The following NRG3 variants were observed in gnomAD, a reference collection of about 807,000 sequenced individuals.
The protein encoded by NRG3 is pro-neuregulin-3, membrane-bound isoform.
A neutral mutation model predicts 66.9 loss-of-function variants in NRG3; 31 were observed. The ratio of observed to expected loss-of-function variants is 0.46; its 90% CI spans 0.35 to 0.63. NRG3 has a LOEUF of 0.63. Among genes scored for constraint, NRG3 ranks in the 20% least tolerant of loss-of-function variants. NRG3 has a pLI of 0.00. For synonymous variants in NRG3, 393 were observed against 359.4 expected (o/e 1.09, Z -1.06); for missense variants, 910 against 878.9 (o/e 1.04, Z -0.45).
chr10:82,481,530 A>G (rs1012676031), intron 2 of NRG3, among the ~76,000 whole-genome samples: 3 of 151,808 alleles, frequency 2.0e-5, no homozygotes, highest in African/African-American at 2.4e-5. Context: ...TGATTACTCT[A>G]TTTAATTAAT....
At chr10:82,072,415 G>A (rs553044852) in intron 1 of NRG3, among the ~76,000 whole-genome samples, 11 of 152,230 alleles carry the variant, frequency 7.2e-5, no homozygotes, top group East Asian at 5.8e-4. Flanking sequence ...GTTAGAAGCC[G>A]CATATTTACT....
chr10:82,641,007 G>T, intron 2 of NRG3, among the ~76,000 whole-genome samples: 1 of 22,616 alleles, frequency 4.4e-5, no homozygotes, highest in Non-Finnish European at 9.3e-5. Flanking sequence ...TTTTCAGTCT[G>T]TCGTTTTTTT....
At position 82,200,729 on chromosome 10, in the gene NRG3, C is replaced by T. The variant is rs568170336; in HGVS notation, c.824-158010C>T. Among the ~76,000 whole-genome samples the T allele has an allele frequency of 9.2e-5, 14 of 152,290 alleles. No individual in the cohort carries two copies. The East Asian group carries it at 1.9e-3, about 21-fold the overall frequency. On this transcript the variant is annotated intron_variant, in intron 1 of 8. Coordinates refer to ENST00000372141, the MANE Select transcript of NRG3 (RefSeq NM_001010848.4). ...GGCCTGTTACTCTCCGAAGGCCTTT[C>T]TCTTTCTTTATCCTCTGAAGTAAAG...
At chr10:82,219,267 A>G (rs1589361521) in intron 1 of NRG3, among the ~76,000 whole-genome samples, 1 of 146,924 alleles carries the variant, frequency 6.8e-6, no homozygotes, top group African/African-American at 2.5e-5. Context: ...TCTAGCCTCT[A>G]CATACTAGAT....
intron 1 of NRG3, among the ~76,000 whole-genome samples, chr10:81,989,456 C>G (rs751170731): frequency 6.6e-6 from 1 of 151,786 alleles, no homozygotes. Context: ...AGCAAAGAAA[C>G]GCAAAAGTGA....
chr10:82,965,921 A>G (rs2132510224), intron 6 of NRG3, among the ~76,000 whole-genome samples: 2 of 152,274 alleles, frequency 1.3e-5, no homozygotes, highest in African/African-American at 4.8e-5. Context: ...TTCTGCCTTT[A>G]GTCTCTCAAT....
chr10:82,023,335 G>C (rs2062146427), intron 1 of NRG3, among the ~76,000 whole-genome samples: 1 of 151,868 alleles, frequency 6.6e-6, no homozygotes. Flanking sequence ...TTCACAATTT[G>C]GGTGTCCTTT....
intron 1 of NRG3, among the ~76,000 whole-genome samples, chr10:82,267,516 G>A (rs1035084304): frequency 1.2e-4 from 19 of 152,138 alleles, no homozygotes; most frequent in African/African-American, 4.3e-4. Context: ...ACACACTAGA[G>A]GCAGGCAGCT....
At chr10:82,568,018 T>G (rs191109974) in intron 2 of NRG3, among the ~76,000 whole-genome samples, 2 of 151,982 alleles carry the variant, frequency 1.3e-5, no homozygotes, top group East Asian at 3.9e-4. Context: ...TCTCCTTAGT[T>G]TTGTCATTTC....
chr10:82,706,114 A>G (rs891059007), intron 2 of NRG3, among the ~76,000 whole-genome samples: 1 of 151,972 alleles, frequency 6.6e-6, no homozygotes, highest in African/African-American at 2.4e-5. Context: ...TTTTTTATCA[A>G]TCTACAGCAT....
chr10:82,121,513 C>G (rs972014200), intron 1 of NRG3, among the ~76,000 whole-genome samples: 2 of 152,162 alleles, frequency 1.3e-5, no homozygotes, highest in Non-Finnish European at 2.9e-5. Context: ...CCAACACTCA[C>G]TGCTTTCCTC....
At chr10:82,098,230 CAT>C (rs1277137835) in intron 1 of NRG3, among the ~76,000 whole-genome samples, 8 of 151,132 alleles carry the variant, frequency 5.3e-5, no homozygotes, top group African/African-American at 1.9e-4. Context: ...CATACACAGA[CAT>C]ATAGATGTCA....
intron 2 of NRG3, among the ~76,000 whole-genome samples, chr10:82,728,737 A>G (rs1020020271): frequency 1.3e-5 from 2 of 152,190 alleles, no homozygotes; most frequent in Admixed American, 1.3e-4. Flanking sequence ...AAATTCTATG[A>G]TTGGCTAATT....
intron 2 of NRG3, among the ~76,000 whole-genome samples, chr10:82,515,937 T>A (rs894576116): frequency 2.0e-5 from 3 of 152,190 alleles, no homozygotes; most frequent in Admixed American, 6.5e-5. Context: ...GGAACAGGGC[T>A]GATCATGCGT....
chr10:82,616,499 A>G (rs1475223807), intron 2 of NRG3, among the ~76,000 whole-genome samples: 1 of 152,200 alleles, frequency 6.6e-6, no homozygotes, highest in East Asian at 1.9e-4. Context: ...TCCACATACA[A>G]GAAACTTTAT....
chr10:81,876,269 A>G (rs1841634689), intron 1 of NRG3, 106 bp downstream of exon 1: 5 of 1,405,300 alleles, frequency 3.6e-6, no homozygotes, highest in Non-Finnish European at 4.8e-6. Context: ...CCCCTCCCCC[A>G]TCCCAGGTTT....
At chr10:82,050,804 C>G (rs1483069963) in intron 1 of NRG3, among the ~76,000 whole-genome samples, 1 of 151,950 alleles carries the variant, frequency 6.6e-6, no homozygotes, top group East Asian at 2.0e-4. Context: ...CTCCTACTCT[C>G]TGTCTCTCCA....
At chr10:82,774,935 G>A (rs2135213550) in intron 3 of NRG3, among the ~76,000 whole-genome samples, 1 of 144,436 alleles carries the variant, frequency 6.9e-6, no homozygotes, top group South Asian at 2.2e-4. Context: ...CGATTCTTGT[G>A]CATGCCTCAG....
chr10:81,887,983 A>G (rs1432729429), intron 1 of NRG3, among the ~76,000 whole-genome samples: 3 of 152,168 alleles, frequency 2.0e-5, no homozygotes, highest in Non-Finnish European at 4.4e-5. Flanking sequence ...GTATACATCA[A>G]TACTAACTTG....
Sources: allele counts gnomAD v4.1 joint callset (sites outside exome capture counted in the v4.1 genomes callset), GRCh38; gene constraint gnomAD v4.1.1; transcripts MANE v1.5; gene names NCBI Gene and HGNC (gene_info 2026-07-23, HGNC 2026-07-21).